The following CDC42BPA variants were observed in gnomAD, a reference collection of about 807,000 sequenced individuals.
CDC42BPA encodes serine/threonine-protein kinase MRCK alpha.
CDC42BPA carries 80 observed loss-of-function variants against 223.5 expected under a neutral mutation model. That is an observed-to-expected ratio of 0.36 (90% CI 0.30 to 0.43). CDC42BPA has a LOEUF of 0.43. CDC42BPA is among the 20% of genes least tolerant of loss of function. The probability of loss-of-function intolerance (pLI) is 1.00; values close to 1 mark genes in which losing one functional copy is unlikely to be tolerated. For synonymous variants in CDC42BPA, 694 were observed against 718.6 expected (o/e 0.97, Z 0.55); for missense variants, 1,743 against 2,099.9 (o/e 0.83, Z 3.32).
chr1:227,221,210 TA>T (rs2150448000), intron 2 of CDC42BPA, among the ~76,000 whole-genome samples: 1 of 152,332 alleles, frequency 6.6e-6, no homozygotes, highest in African/African-American at 2.4e-5. Flanking sequence ...TCTTTTGCTG[TA>T]ACCTGTTAAA....
chr1:227,317,888 T>C lies in CDC42BPA; in HGVS notation c.-706A>G, dbSNP rs1694652906. On this transcript the variant is annotated 5_prime_UTR_variant, in exon 1 of 37. It adds an upstream start codon to the 5' untranslated region. Transcript: ENST00000366766. ...TTCTTTAAGGCTTTGCAGTCAGTCC[T>C]ATTTTCAACGGATTCCGGTGAAAAC... is the stretch of plus-strand genomic sequence containing the variant. The C allele has an allele frequency of 5.0e-6, 2 of 398,664 alleles. No homozygotes were observed. The highest frequency in any genetic ancestry group is 8.8e-6 in the Non-Finnish European group (2 of 226,066). 24.7% of individuals were successfully genotyped at this position (398,664 alleles called of 1,614,324 possible).
chr1:227,206,964 G>A (rs1672846068), intron 3 of CDC42BPA, among the ~76,000 whole-genome samples: 5 of 151,584 alleles, frequency 3.3e-5, no homozygotes, highest in African/African-American at 1.2e-4. Flanking sequence ...AAGTTTTAGG[G>A]TACATGTGCA....
At chr1:227,063,014 C>G (rs896053026) in intron 21 of CDC42BPA, among the ~76,000 whole-genome samples, 1 of 152,052 alleles carries the variant, frequency 6.6e-6, no homozygotes, top group South Asian at 2.1e-4. Context: ...AAGCCAATAC[C>G]ATTTAAAGCT....
chr1:227,246,244 C>A (rs973656093), intron 2 of CDC42BPA, among the ~76,000 whole-genome samples: 2 of 152,278 alleles, frequency 1.3e-5, no homozygotes, highest in Admixed American at 1.3e-4. Flanking sequence ...GAGAGAAGAG[C>A]GGGAAGAACT....
chr1:227,179,654 A>AAAAAAAG, intron 5 of CDC42BPA, among the ~76,000 whole-genome samples: 1 of 149,830 alleles, frequency 6.7e-6, no homozygotes, highest in Non-Finnish European at 1.5e-5. Flanking sequence ...AAAAAAAAAA[A>AAAAAAAG]AAAAAAGCTA....
intron 1 of CDC42BPA, among the ~76,000 whole-genome samples, chr1:227,284,934 CA>C (rs71559808): frequency 0.2 from 29,714 of 148,528 alleles, 3,012 homozygotes; most frequent in East Asian, 0.25. Flanking sequence ...TGCAATCTGT[CA>C]CTGGGTGACA....
At chr1:227,069,106 C>A in intron 21 of CDC42BPA, 1 of 153,342 alleles carries the variant, frequency 6.5e-6, no homozygotes. Context: ...ATTTTGGTCA[C>A]TACTATATCT....
At chr1:227,310,996 GT>G (rs1693441507) in intron 1 of CDC42BPA, among the ~76,000 whole-genome samples, 1 of 152,034 alleles carries the variant, frequency 6.6e-6, no homozygotes, top group East Asian at 1.9e-4. Flanking sequence ...CGGCCAAGGA[GT>G]TTTTATATAC....
chr1:227,282,666 C>CAGCT lies in CDC42BPA; in HGVS notation c.179-28515_179-28512dup, dbSNP rs1314269012. 7.2e-5 allele frequency among the ~76,000 whole-genome samples: 11 copies of CAGCT among 152,196 alleles called. No individual in the cohort carries two copies. The South Asian group carries it at 2.1e-3, about 29-fold the overall frequency. Reference sequence around the variant, plus strand: ...GTAAAACACAAACAGCAAAGAAGCACAGCTCTACCTTACTCTTTGCTAGTG... The same window carrying CAGCT: ...GTAAAACACAAACAGCAAAGAAGCACAGCTAGCTCTACCTTACTCTTTGCTAGTG... On this transcript the variant is annotated intron_variant, in intron 1 of 36. Coordinates refer to ENST00000366766, the MANE Select transcript of CDC42BPA (RefSeq NM_001394014.1).
At chr1:227,063,317 G>C (rs570880920) in intron 21 of CDC42BPA, among the ~76,000 whole-genome samples, 4 of 152,108 alleles carry the variant, frequency 2.6e-5, no homozygotes, top group African/African-American at 9.6e-5. Flanking sequence ...ATAGGTCCAT[G>C]ACATGCCAAC....
chr1:227,060,790 C>T (rs1050073459), intron 21 of CDC42BPA, among the ~76,000 whole-genome samples: 5 of 137,526 alleles, frequency 3.6e-5, no homozygotes, highest in Admixed American at 1.6e-4. Flanking sequence ...GGTGCGATCT[C>T]GGCTCACTGC....
rs568322915 is a variant in CDC42BPA, at chr1:227,216,633, C to T, written c.271-3414G>A. 1.7e-3 allele frequency among the ~76,000 whole-genome samples: 257 copies of T among 152,276 alleles called. 3 individuals carry two copies. The highest frequency in any genetic ancestry group is 5.4e-3 in the African/African-American group (223 of 41,558). On this transcript the variant is annotated intron_variant, in intron 2 of 36. Coordinates refer to ENST00000366766, the MANE Select transcript of CDC42BPA (RefSeq NM_001394014.1). ...CTGCAAGTCATACTGATATTCATTT[C>T]AGTAGCTAAAAATCAAGAAGAGGAG...
intron 1 of CDC42BPA, among the ~76,000 whole-genome samples, chr1:227,262,398 T>G (rs1457788727): frequency 6.6e-6 from 1 of 152,066 alleles, no homozygotes. Context: ...AAGCAATAAT[T>G]GAAAAACAGG....
chr1:227,156,120 G>GT (rs56169233), intron 6 of CDC42BPA, among the ~76,000 whole-genome samples: 27 of 145,428 alleles, frequency 1.9e-4, no homozygotes, highest in African/African-American at 3.0e-4. Context: ...CTTCATTATA[G>GT]TTTTTTTTTT....
chr1:227,064,404 A>G (rs1178220385), intron 21 of CDC42BPA, among the ~76,000 whole-genome samples: 1 of 152,234 alleles, frequency 6.6e-6, no homozygotes, highest in African/African-American at 2.4e-5. Flanking sequence ...AGTATTATCT[A>G]TAATACTCTC....
intron 21 of CDC42BPA, 88 bp from the exon 22 acceptor site, chr1:227,052,073 A>G: frequency 1.6e-6 from 1 of 636,672 alleles, no homozygotes; most frequent in East Asian, 5.6e-5. Context: ...AGGCATGATT[A>G]TGACAACATT....
At chr1:227,237,549 C>T (rs145317100) in intron 2 of CDC42BPA, among the ~76,000 whole-genome samples, 10 of 152,316 alleles carry the variant, frequency 6.6e-5, no homozygotes, top group East Asian at 3.9e-4. Context: ...TGCAGCTACA[C>T]GGTATTCTAT....
intron 2 of CDC42BPA, among the ~76,000 whole-genome samples, chr1:227,253,221 G>C (rs1053366300): frequency 8.9e-5 from 13 of 145,894 alleles, no homozygotes; most frequent in African/African-American, 3.3e-4. Context: ...AGAGGAGAGA[G>C]AGAGGAGGGA....
chr1:227,005,189 T>A (rs879905242), intron 34 of CDC42BPA, 78 bp from the exon 35 acceptor site: 3 of 924,796 alleles, frequency 3.2e-6, no homozygotes, highest in Non-Finnish European at 5.3e-6. Flanking sequence ...TTTTTCACTA[T>A]AATTACCAAG....
Sources: gnomAD v4.1 joint callset for allele counts (sites outside exome capture counted in the v4.1 genomes callset) on GRCh38, gnomAD v4.1.1 for gene constraint, MANE v1.5 for transcripts, NCBI Gene and HGNC (gene_info 2026-07-23, HGNC 2026-07-21) for gene names.